The following BRPF3 variants were observed in gnomAD, a reference collection of about 807,000 sequenced individuals.
The protein encoded by BRPF3 is bromodomain and PHD finger-containing protein 3.
A neutral mutation model predicts 102.0 loss-of-function variants in BRPF3; 18 were observed. That is an observed-to-expected ratio of 0.18 (90% CI 0.12 to 0.26). The LOEUF is 0.26. Ranked by LOEUF, BRPF3 falls within the 10% of genes least tolerant of loss-of-function variation. BRPF3 has a pLI of 1.00. For missense variants in BRPF3, 1,147 were observed against 1,567.8 expected, an observed-to-expected ratio of 0.73 and a Z score of 4.53; for synonymous variants, 570 against 614.2, an observed-to-expected ratio of 0.93 and a Z score of 1.06.
At chr6:36,212,854 G>A (rs970198862) in intron 7 of BRPF3, among the ~76,000 whole-genome samples, 3 of 152,108 alleles carry the variant, frequency 2.0e-5, no homozygotes, top group Admixed American at 6.5e-5. Context: ...TGGGGAGGCT[G>A]AGGCAGGAGA....
chr6:36,220,538 C>G (rs904523344), intron 9 of BRPF3, among the ~76,000 whole-genome samples: 9 of 152,186 alleles, frequency 5.9e-5, no homozygotes, highest in African/African-American at 2.2e-4. Flanking sequence ...GTGCTGTCTT[C>G]TGTTGTATTT....
At position 36,223,355 on chromosome 6, in the gene BRPF3, T is replaced by C. The variant is rs189273363; in HGVS notation, c.3181+1090T>C. ...CAGTTCCCAAAAGGTCAGGCTCATG[T>C]CTAAATGAATTTGTACAGCATCTCA... is the stretch of plus-strand genomic sequence containing the variant. On this transcript the variant is annotated intron_variant, in intron 10 of 12. Transcript: ENST00000357641. Among the ~76,000 whole-genome samples the C allele has an allele frequency of 1.6e-4, 25 of 152,372 alleles. No homozygotes were observed. The East Asian group carries it at 4.6e-3, about 28-fold the overall frequency.
Position 36,210,541 on chromosome 6 carries a change from G to A in BRPF3, c.2179+13G>A. The A allele has an allele frequency of 6.4e-7, 1 of 1,571,938 alleles. No homozygotes were observed. Among genetic ancestry groups the A allele is most frequent in the Non-Finnish European group, 8.6e-7 (1 of 1,165,648 alleles). ...TCCTGGGAAGACGGTGAGAGGCCTGGATGGGTGGGGAGGAGAGGGGCCAGG... is the reference window on the plus strand; with the variant it reads ...TCCTGGGAAGACGGTGAGAGGCCTGAATGGGTGGGGAGGAGAGGGGCCAGG... On this transcript the variant is annotated intron_variant, in intron 6 of 12. Transcript: ENST00000357641. The surrounding 1 kb of genome is among the most constrained non-coding windows in gnomAD (Gnocchi z 4.7).
chr6:36,212,259 A>T (rs1768147646), intron 7 of BRPF3, among the ~76,000 whole-genome samples: 2 of 152,106 alleles, frequency 1.3e-5, no homozygotes, highest in African/African-American at 4.8e-5. Flanking sequence ...TTCACTGGGG[A>T]TGGAATTGTC....
At chr6:36,216,827 C>T (rs967532815) in intron 8 of BRPF3, among the ~76,000 whole-genome samples, 1 of 152,146 alleles carries the variant, frequency 6.6e-6, no homozygotes, top group African/African-American at 2.4e-5. Context: ...TTACTTGAGC[C>T]CAGGAGCTCG....
At chr6:36,212,468 ACTC>A (rs1768156910) in intron 7 of BRPF3, among the ~76,000 whole-genome samples, 1 of 148,608 alleles carries the variant, frequency 6.7e-6, no homozygotes. Flanking sequence ...GTCCATTGTG[ACTC>A]CTCTGGACTC....
rs1413538818 is a variant in BRPF3 at position 36,210,270 on chromosome 6, C to T, written c.1921C>T (p.Arg641Trp). 2.5e-6 allele frequency: 4 copies of T among 1,614,188 alleles called. No individual in the cohort carries two copies. Among genetic ancestry groups the T allele is most frequent in the South Asian group, 1.1e-5 (1 of 91,084 alleles). Residue 641 changes from arginine to tryptophan, a missense_variant, in exon 6 of 13, where the codon CGG becomes TGG. This residue lies in a region of BRPF3 where 109 missense variants were observed against 175.1 expected (regional missense o/e 0.62). Coordinates refer to ENST00000357641, the MANE Select transcript of BRPF3 (RefSeq NM_015695.3). The surrounding 1 kb of genome is among the most constrained non-coding windows in gnomAD (Gnocchi z 4.7). Reference protein sequence around the residue: ...SKPMDFSTMRRKLESHLYRTL... With the variant: ...SKPMDFSTMRWKLESHLYRTL... ...GCCAATGGATTTTTCTACTATGAGGCGGAAGCTGGAGTCCCACCTGTACCG... is the reference window on the plus strand; with the variant it reads ...GCCAATGGATTTTTCTACTATGAGGTGGAAGCTGGAGTCCCACCTGTACCG...
rs1245673449 is a variant in BRPF3 at position 36,201,894 on chromosome 6, T to A, written c.1448+124T>A. On this transcript the variant is annotated intron_variant, in intron 2 of 12. Transcript: ENST00000357641. The surrounding 1 kb of genome is among the most constrained non-coding windows in gnomAD (Gnocchi z 5.1). ...ATCCTCCTCCCCGAATTTAAACTCTTCCTTTTGACCCCAGGCTCACCTGGC... is the reference window on the plus strand; with the variant it reads ...ATCCTCCTCCCCGAATTTAAACTCTACCTTTTGACCCCAGGCTCACCTGGC... 7 of 1,394,638 alleles carry A rather than the reference T, an allele frequency of 5.0e-6. No individual in the cohort carries two copies. Among genetic ancestry groups the A allele is most frequent in the Non-Finnish European group, 5.7e-6 (6 of 1,043,580 alleles). 86.4% of individuals were successfully genotyped at this position (1,394,638 alleles called of 1,614,324 possible). A position where few individuals can be genotyped will look rare whatever the true frequency, so the allele number is the denominator to read the frequency against.
Position 36,205,029 on chromosome 6 carries a change from A to AG in BRPF3, c.1605+219dup, listed in dbSNP as rs1349966407. ...GAGGCTTGACTTTGTAGAGAATTCTAGGGGAGAGTGGAGAGCATGCGTAGC... is the reference window on the plus strand; with the variant it reads ...GAGGCTTGACTTTGTAGAGAATTCTAGGGGGAGAGTGGAGAGCATGCGTAGC... On this transcript the variant is annotated intron_variant, in intron 3 of 12. Transcript: ENST00000357641. Among the ~76,000 whole-genome samples, 3 of 152,302 alleles carry AG rather than the reference A, an allele frequency of 2.0e-5. No individual in the cohort carries two copies. In the East Asian group the frequency reaches 5.8e-4, roughly 29 times the overall value.
intron 5 of BRPF3, 82 bp downstream of exon 5, chr6:36,209,997 C>G (rs1768043200): frequency 6.4e-7 from 1 of 1,562,904 alleles, no homozygotes; most frequent in Non-Finnish European, 8.7e-7. Context: ...AGTTGGGCCA[C>G]AGGGTGTACA....
chr6:36,225,468 T>A, intron 11 of BRPF3, 104 bp downstream of exon 11: 1 of 1,053,586 alleles, frequency 9.5e-7, no homozygotes, highest in Non-Finnish European at 1.4e-6. Context: ...AGAGTGTCTT[T>A]AGCTGTAGAG....
intron 3 of BRPF3, among the ~76,000 whole-genome samples, chr6:36,205,997 C>A (rs2127279857): frequency 6.6e-6 from 1 of 152,316 alleles, no homozygotes; most frequent in East Asian, 1.9e-4. Flanking sequence ...AAAAGTTCCC[C>A]ACCTTGGAGT....
In BRPF3 at chr6:36,210,600, G is replaced by A. The variant is rs1298075015; in HGVS notation, c.2179+72G>A. ...CAGGAACAGAGTCTACAGAGTGAGG[G>A]ATCAGGGTGGTCCTTGGGGCTATAG... is the stretch of plus-strand genomic sequence containing the variant. On this transcript the variant is annotated intron_variant, in intron 6 of 12. Coordinates refer to ENST00000357641, the MANE Select transcript of BRPF3 (RefSeq NM_015695.3). This position sits in a 1 kb window ranked among gnomAD's most constrained non-coding sequence, Gnocchi z 4.7. The A allele has an allele frequency of 6.0e-5, 86 of 1,437,342 alleles. No individual in the cohort carries two copies. Among genetic ancestry groups the A allele is most frequent in the Non-Finnish European group, 8.0e-5 (86 of 1,071,830 alleles). 89.0% of individuals were successfully genotyped at this position (1,437,342 alleles called of 1,614,324 possible). A position where few individuals can be genotyped will look rare whatever the true frequency, so the allele number is the denominator to read the frequency against.
rs755261744 is a variant in BRPF3 at position 36,230,392 on chromosome 6, T to TA, written c.3435-33dup. On this transcript the variant is annotated intron_variant, in intron 12 of 12. Coordinates refer to ENST00000357641, the MANE Select transcript of BRPF3 (RefSeq NM_015695.3). This position sits in a 1 kb window ranked among gnomAD's most constrained non-coding sequence, Gnocchi z 5.4. The stretch of plus-strand genomic sequence containing the variant: ...AGCCCGAGCCCCCTGTGAGACCCAC[T>TA]ACTGCCCAGCCTCTTACTGTGCTTG... 4.4e-6 allele frequency: 7 copies of TA among 1,608,030 alleles called. No homozygotes were observed. The African/African-American group carries it at 9.4e-5, about 21-fold the overall frequency.
rs1302395520 is a variant in BRPF3 at position 36,231,951 on chromosome 6, T to C, written c.*1342T>C. 6.6e-6 allele frequency: 1 copy of C among 152,656 alleles called. No homozygotes were observed. The highest frequency in any genetic ancestry group is 2.4e-5 in the African/African-American group (1 of 41,462). The allele number at this position is 152,656 out of a possible 1,614,324, so 9.5% of individuals were successfully genotyped here. A position where few individuals can be genotyped will look rare whatever the true frequency, so the allele number is the denominator to read the frequency against. On this transcript the variant is annotated 3_prime_UTR_variant, in exon 13 of 13. Coordinates refer to ENST00000357641, the MANE Select transcript of BRPF3 (RefSeq NM_015695.3). ...CAGTTGCAGGCCGCTGATTGCCATGTTGATTTTTAACCTGATATTCTTTTT... is the reference window on the plus strand; with the variant it reads ...CAGTTGCAGGCCGCTGATTGCCATGCTGATTTTTAACCTGATATTCTTTTT...
chr6:36,225,099 C>T (rs535585157), intron 10 of BRPF3, among the ~76,000 whole-genome samples, 168 bp from the exon 11 acceptor site: 1 of 152,132 alleles, frequency 6.6e-6, no homozygotes, highest in Non-Finnish European at 1.5e-5. Flanking sequence ...GTTTGCTGAC[C>T]CCTGATCCAG....
chr6:36,218,643 G>C (rs1006594071), intron 9 of BRPF3, among the ~76,000 whole-genome samples: 1 of 151,996 alleles, frequency 6.6e-6, no homozygotes, highest in Non-Finnish European at 1.5e-5. Context: ...TATTTTAGTA[G>C]AGATGAGGTT....
chr6:36,228,684 A>C (rs934856657), intron 11 of BRPF3, among the ~76,000 whole-genome samples: 2 of 152,208 alleles, frequency 1.3e-5, no homozygotes, highest in African/African-American at 2.4e-5. Flanking sequence ...TTGCAAAGGT[A>C]CTAAGGGGAA....
intron 10 of BRPF3, among the ~76,000 whole-genome samples, chr6:36,224,337 G>A (rs554235393): frequency 6.6e-6 from 1 of 152,202 alleles, no homozygotes; most frequent in Non-Finnish European, 1.5e-5. Context: ...ATAGATGTGG[G>A]GAGGGAAAGA....
Sources: gnomAD v4.1 joint callset for allele counts (sites outside exome capture counted in the v4.1 genomes callset) on GRCh38, gnomAD v4.1.1 for gene constraint, gnomAD v4.1.1 regional missense constraint, Gnocchi (gnomAD v3.1) non-coding constraint, MANE v1.5 for transcripts, NCBI Gene and HGNC (gene_info 2026-07-23, HGNC 2026-07-21) for gene names.